The following AGBL4 variants were observed in gnomAD, a reference collection of about 807,000 sequenced individuals.
The protein encoded by AGBL4 is cytosolic carboxypeptidase 6.
Under a neutral mutation model 66.4 loss-of-function variants are expected in AGBL4, and 58 were observed. The observed-to-expected ratio is 0.87, with a 90% confidence interval of 0.71 to 1.09. The LOEUF is 1.09. Ranked by LOEUF, AGBL4 falls within the 50% of genes least tolerant of loss-of-function variation. The pLI, the probability that AGBL4 is intolerant of heterozygous loss-of-function variation, is 0.00. For synonymous variants in AGBL4, 234 were observed against 222.9 expected, an observed-to-expected ratio of 1.05 and a Z score of -0.44; for missense variants, 579 against 631.0, an observed-to-expected ratio of 0.92 and a Z score of 0.88.
At chr1:49,557,177 G>A (rs1643923570) in intron 3 of AGBL4, among the ~76,000 whole-genome samples, 1 of 152,136 alleles carries the variant, frequency 6.6e-6, no homozygotes, top group Non-Finnish European at 1.5e-5. Flanking sequence ...GCGGGCTGAA[G>A]TGTTCCTCAA....
chr1:48,588,862 G>GA (rs1644870523), intron 10 of AGBL4, among the ~76,000 whole-genome samples: 3 of 149,454 alleles, frequency 2.0e-5, no homozygotes, highest in African/African-American at 7.3e-5. Context: ...GAAGAGAAGG[G>GA]AAGAGAAGAG....
intron 4 of AGBL4, among the ~76,000 whole-genome samples, chr1:49,231,124 A>G (rs1437028694): frequency 6.6e-6 from 1 of 152,198 alleles, no homozygotes; most frequent in African/African-American, 2.4e-5. Flanking sequence ...GGAGGGTCAT[A>G]TAGCCTTAAT....
chr1:49,452,970 A>G (rs571371101), intron 3 of AGBL4, among the ~76,000 whole-genome samples: 7 of 152,032 alleles, frequency 4.6e-5, no homozygotes, highest in African/African-American at 1.7e-4. Context: ...AGTCAGGCAC[A>G]TAGTAGATGC....
chr1:49,296,573 T>G (rs1332561281), intron 3 of AGBL4, among the ~76,000 whole-genome samples: 1 of 152,186 alleles, frequency 6.6e-6, no homozygotes, highest in Non-Finnish European at 1.5e-5. Flanking sequence ...GTTCTGACAG[T>G]CTGTGACTCT....
At chr1:49,994,303 A>G (rs1660186276) in intron 1 of AGBL4, 1 of 146,914 alleles carries the variant, frequency 6.8e-6, no homozygotes, top group Non-Finnish European at 1.5e-5. Context: ...GAACTACACC[A>G]TGGGAAAGTA....
intron 3 of AGBL4, among the ~76,000 whole-genome samples, chr1:49,395,533 A>AGTGT (rs149386987): frequency 0.04 from 5,566 of 139,320 alleles, 307 homozygotes; most frequent in African/African-American, 0.13. Context: ...GCCAAACACT[A>AGTGT]GTGTGTGTGT....
intron 2 of AGBL4, among the ~76,000 whole-genome samples, chr1:49,806,695 G>A (rs995867997): frequency 2.0e-5 from 3 of 152,142 alleles, no homozygotes; most frequent in Admixed American, 2.0e-4. Flanking sequence ...GATCCCAAAG[G>A]CATTTTGGAG....
chr1:49,996,884 G>A (rs1429347699), intron 1 of AGBL4, among the ~76,000 whole-genome samples: 1 of 152,150 alleles, frequency 6.6e-6, no homozygotes, highest in Non-Finnish European at 1.5e-5. Flanking sequence ...ACACAAGCTA[G>A]AAGGTACTGA....
chr1:49,206,350 C>T (rs961012907), intron 4 of AGBL4, among the ~76,000 whole-genome samples: 1 of 152,056 alleles, frequency 6.6e-6, no homozygotes, highest in Non-Finnish European at 1.5e-5. Context: ...AATAAACCCT[C>T]TAACTACTGG....
intron 1 of AGBL4, among the ~76,000 whole-genome samples, chr1:49,923,193 C>A (rs933609273): frequency 6.6e-6 from 1 of 152,042 alleles, no homozygotes. Context: ...CTTTGACAAA[C>A]CTGACAAAAA....
intron 4 of AGBL4, among the ~76,000 whole-genome samples, chr1:49,111,369 C>T (rs1645407599): frequency 6.6e-6 from 1 of 152,212 alleles, no homozygotes; most frequent in African/African-American, 2.4e-5. Context: ...GCCTTGGCCT[C>T]CCAGATTGCT....
At chr1:48,620,471 T>G (rs1310087238) in intron 9 of AGBL4, among the ~76,000 whole-genome samples, 2 of 151,882 alleles carry the variant, frequency 1.3e-5, no homozygotes, top group Admixed American at 1.3e-4. Flanking sequence ...AGATGGAGGC[T>G]CTCTCTGTCT....
At chr1:48,975,144 G>T (rs1404065895) in intron 5 of AGBL4, among the ~76,000 whole-genome samples, 2 of 151,998 alleles carry the variant, frequency 1.3e-5, no homozygotes, top group South Asian at 2.1e-4. Flanking sequence ...AATGTCTAGG[G>T]GTCTGGGGCA....
At chr1:49,486,632 G>A (rs903335738) in intron 3 of AGBL4, among the ~76,000 whole-genome samples, 7 of 151,844 alleles carry the variant, frequency 4.6e-5, no homozygotes, top group African/African-American at 1.7e-4. Flanking sequence ...TTTCACTCTT[G>A]GTTATGCATT....
intron 6 of AGBL4, among the ~76,000 whole-genome samples, chr1:48,696,584 A>G (rs1557885347): frequency 6.6e-6 from 1 of 152,098 alleles, no homozygotes; most frequent in African/African-American, 2.4e-5. Flanking sequence ...CCCCACCACT[A>G]CTACCACCAC....
chr1:48,612,935 A>T (rs1417633253), intron 9 of AGBL4, among the ~76,000 whole-genome samples: 1 of 152,208 alleles, frequency 6.6e-6, no homozygotes, highest in African/African-American at 2.4e-5. Context: ...GGAGTTCAAG[A>T]CCAGCCTGAC....
At chr1:48,627,480 C>G (rs1645523499) in intron 9 of AGBL4, among the ~76,000 whole-genome samples, 2 of 151,594 alleles carry the variant, frequency 1.3e-5, no homozygotes, top group Admixed American at 1.3e-4. Context: ...TGTTATTTGA[C>G]CATGTCACCA....
At chr1:49,105,647 T>C (rs1375995571) in intron 4 of AGBL4, among the ~76,000 whole-genome samples, 1 of 152,186 alleles carries the variant, frequency 6.6e-6, no homozygotes, top group Non-Finnish European at 1.5e-5. Context: ...ACTCAGTAGC[T>C]GTGTGACATA....
chr1:49,083,080 C>A (rs557089679), intron 4 of AGBL4, among the ~76,000 whole-genome samples: 1 of 152,316 alleles, frequency 6.6e-6, no homozygotes, highest in Non-Finnish European at 1.5e-5. Flanking sequence ...GGCAGCTCTG[C>A]CCCTGTGGCT....
Sources: allele counts gnomAD v4.1 joint callset (sites outside exome capture counted in the v4.1 genomes callset), GRCh38; gene constraint gnomAD v4.1.1; transcripts MANE v1.5; gene names NCBI Gene and HGNC (gene_info 2026-07-23, HGNC 2026-07-21).